DLEU7: variants seen among roughly 807,000 people sequenced by gnomAD.
DLEU7 encodes deleted in lymphocytic leukemia 7.
A neutral mutation model predicts 16.0 loss-of-function variants in DLEU7; 17 were observed. That is an observed-to-expected ratio of 1.06 (90% CI 0.73 to 1.59). DLEU7 has a LOEUF of 1.59. Ranked by LOEUF, DLEU7 falls within the 40% of genes most tolerant of loss-of-function variation. The pLI, the probability that DLEU7 is intolerant of heterozygous loss-of-function variation, is 0.00. For synonymous variants in DLEU7, 113 were observed against 139.8 expected, an observed-to-expected ratio of 0.81 and a Z score of 1.35; for missense variants, 308 against 314.9, an observed-to-expected ratio of 0.98 and a Z score of 0.17.
intron 1 of DLEU7, among the ~76,000 whole-genome samples, chr13:50,723,573 G>T (rs956036145): frequency 1.3e-5 from 2 of 152,102 alleles, no homozygotes; most frequent in Admixed American, 6.5e-5. Flanking sequence ...TTGGGTTCTG[G>T]TGAGAGCGTC....
intron 1 of DLEU7, among the ~76,000 whole-genome samples, chr13:50,732,628 C>CAAAAAAAAAAAAAA (rs1279286062): frequency 3.2e-5 from 3 of 95,078 alleles, no homozygotes; most frequent in Non-Finnish European, 4.1e-5. Context: ...AAAAAAAAAG[C>CAAAAAAAAAAAAAA]TTATGTGCTT....
At chr13:50,733,885 A>G (rs1339867883) in intron 1 of DLEU7, among the ~76,000 whole-genome samples, 1 of 152,188 alleles carries the variant, frequency 6.6e-6, no homozygotes, top group Non-Finnish European at 1.5e-5. Flanking sequence ...GAGAAAATAC[A>G]ACCTCCTTAA....
intron 1 of DLEU7, among the ~76,000 whole-genome samples, chr13:50,800,044 A>G (rs547235492): frequency 2.0e-5 from 3 of 152,340 alleles, no homozygotes; most frequent in Non-Finnish European, 2.9e-5. Context: ...TGAAGGCTTC[A>G]TGCAGGAGAT....
chr13:50,785,236 C>T (rs1357388338), intron 1 of DLEU7, among the ~76,000 whole-genome samples: 3 of 152,102 alleles, frequency 2.0e-5, no homozygotes, highest in Non-Finnish European at 2.9e-5. Context: ...GATGGATGCA[C>T]CCGGAATCAG....
At chr13:50,739,786 A>G (rs544762029) in intron 1 of DLEU7, among the ~76,000 whole-genome samples, 2 of 152,316 alleles carry the variant, frequency 1.3e-5, no homozygotes, top group Non-Finnish European at 2.9e-5. Context: ...CAGATCCCTG[A>G]GAATTCTCAC....
chr13:50,841,393 G>GA (rs1877653269), intron 1 of DLEU7, among the ~76,000 whole-genome samples: 1 of 151,924 alleles, frequency 6.6e-6, no homozygotes, highest in Non-Finnish European at 1.5e-5. Context: ...AAAATAACAT[G>GA]TATTTTTTTT....
At chr13:50,734,576 G>T (rs1874011828) in intron 1 of DLEU7, among the ~76,000 whole-genome samples, 1 of 151,850 alleles carries the variant, frequency 6.6e-6, no homozygotes, top group African/African-American at 2.4e-5. Flanking sequence ...GAGAAAAAAG[G>T]GAATATTAAC....
intron 1 of DLEU7, among the ~76,000 whole-genome samples, chr13:50,800,379 G>A (rs1002015936): frequency 6.6e-6 from 1 of 152,110 alleles, no homozygotes; most frequent in Admixed American, 6.5e-5. Flanking sequence ...AAGTGGGAAA[G>A]CACCCCTTCC....
intron 1 of DLEU7, among the ~76,000 whole-genome samples, chr13:50,834,699 C>T (rs1016177559): frequency 6.6e-6 from 1 of 152,094 alleles, no homozygotes; most frequent in African/African-American, 2.4e-5. Flanking sequence ...TGGTTATACA[C>T]CCAAAGGATT....
intron 1 of DLEU7, among the ~76,000 whole-genome samples, chr13:50,750,798 A>G (rs1055947220): frequency 1.3e-5 from 2 of 152,192 alleles, no homozygotes; most frequent in Non-Finnish European, 2.9e-5. Context: ...CCTTGTATCC[A>G]GAAACTTTGC....
At position 50,841,217 on chromosome 13, in the gene DLEU7, C is replaced by T. The variant is rs1877647666; in HGVS notation, c.459+1971G>A. ...AGACAATCCAAGGTCCTCAGCATGA[C>T]ACACAGGCCTTTCCCTAACTGGCCC... On this transcript the variant is annotated intron_variant, in intron 1 of 1. Transcript: ENST00000504404. Among the ~76,000 whole-genome samples, 3 of 152,238 alleles carry T rather than the reference C, an allele frequency of 2.0e-5. No individual in the cohort carries two copies. The South Asian group carries it at 6.2e-4, about 32-fold the overall frequency.
chr13:50,803,202 T>C (rs1876295692), intron 1 of DLEU7, among the ~76,000 whole-genome samples: 1 of 152,164 alleles, frequency 6.6e-6, no homozygotes, highest in South Asian at 2.1e-4. Flanking sequence ...TCAACTAAGA[T>C]TGTACGAATT....
Position 50,823,464 on chromosome 13 carries a change from C to T in DLEU7, c.516G>A (p.Gln172=). Residue 172 remains glutamine, a synonymous_variant, in exon 2 of 2, where the codon CAG becomes CAA. Coordinates refer to ENST00000504404, the MANE Select transcript of DLEU7 (RefSeq NM_001306135.2). ...CSHLALQIEG[Q]QFDRDLNAAH... Reference sequence around the variant, plus strand: ...CAGCATTCAAGTCTCTGTCAAACTGCTGTCCTTCAATCTGTAGAGCCAAAT... The same window carrying T: ...CAGCATTCAAGTCTCTGTCAAACTGTTGTCCTTCAATCTGTAGAGCCAAAT... The T allele has an allele frequency of 6.5e-7, 1 of 1,535,936 alleles. No homozygotes were observed. The highest frequency in any genetic ancestry group is 8.7e-7 in the Non-Finnish European group (1 of 1,146,742).
intron 1 of DLEU7, among the ~76,000 whole-genome samples, chr13:50,814,399 A>G (rs1207164960): frequency 6.6e-6 from 1 of 152,050 alleles, no homozygotes; most frequent in African/African-American, 2.4e-5. Context: ...TAGAGGAACT[A>G]AAGAGTCTAG....
chr13:50,770,198 A>G (rs1210823162), intron 1 of DLEU7, among the ~76,000 whole-genome samples: 1 of 152,210 alleles, frequency 6.6e-6, no homozygotes, highest in Non-Finnish European at 1.5e-5. Flanking sequence ...TTCTAAATAT[A>G]CAATCATGTC....
chr13:50,834,349 A>C (rs1180876308), intron 1 of DLEU7, among the ~76,000 whole-genome samples: 1 of 152,116 alleles, frequency 6.6e-6, no homozygotes, highest in African/African-American at 2.4e-5. Flanking sequence ...TACAAGAAAA[A>C]AACAACCCCA....
chr13:50,717,267 T>C (rs1022452603), intron 1 of DLEU7, among the ~76,000 whole-genome samples: 8 of 152,176 alleles, frequency 5.3e-5, no homozygotes, highest in Admixed American at 2.0e-4. Context: ...GGATGCTGGA[T>C]ATTAGAAAGT....
chr13:50,808,335 G>A (rs1876455237), intron 1 of DLEU7, among the ~76,000 whole-genome samples: 1 of 152,080 alleles, frequency 6.6e-6, no homozygotes, highest in South Asian at 2.1e-4. Context: ...ATCCATGTAA[G>A]AATATTCATT....
chr13:50,771,348 G>A (rs1875303153), intron 1 of DLEU7, among the ~76,000 whole-genome samples: 4 of 152,118 alleles, frequency 2.6e-5, no homozygotes, highest in Admixed American at 2.0e-4. Flanking sequence ...TACTTTAATT[G>A]TGATGTTAGG....
Sources: gnomAD v4.1 joint callset for allele counts (sites outside exome capture counted in the v4.1 genomes callset) on GRCh38, gnomAD v4.1.1 for gene constraint, MANE v1.5 for transcripts, NCBI Gene and HGNC (gene_info 2026-07-23, HGNC 2026-07-21) for gene names.